The following TRAK1 variants were observed in gnomAD, a reference collection of about 807,000 sequenced individuals.
TRAK1 encodes trafficking kinesin protein 1, also known as trafficking kinesin-binding protein 1.
In TRAK1, 33 loss-of-function variants were observed where a neutral mutation model predicts 92.1. The observed-to-expected ratio is 0.36, with a 90% CI of 0.27 to 0.48. The LOEUF is 0.48. TRAK1 is among the 20% of genes least tolerant of loss of function. The pLI, the probability that TRAK1 is intolerant of heterozygous loss-of-function variation, is 0.99. For synonymous variants in TRAK1, 521 were observed against 517.3 expected, an observed-to-expected ratio of 1.01 and a Z score of -0.10; for missense variants, 1,123 against 1,257.9, an observed-to-expected ratio of 0.89 and a Z score of 1.62.
Position 42,184,306 on chromosome 3 carries a change from C to T in TRAK1, c.364-379C>T, listed in dbSNP as rs17070167. The stretch of plus-strand genomic sequence containing the variant: ...CACTTAACAAATAGCTACTGTTTCC[C>T]TGTGCCGGGCCCTGGCAATACAATA... On this transcript the variant is annotated intron_variant, in intron 3 of 15. Coordinates refer to ENST00000327628, the MANE Select transcript of TRAK1 (RefSeq NM_001042646.3). 8.2e-4 allele frequency among the ~76,000 whole-genome samples: 125 copies of T among 152,328 alleles called. 1 individual carries two copies. The East Asian group carries it at 0.023, about 27-fold the overall frequency.
At chr3:42,061,244 T>C (rs866321055) in intron 1 of TRAK1, among the ~76,000 whole-genome samples, 13 of 151,974 alleles carry the variant, frequency 8.6e-5, no homozygotes, top group Middle Eastern at 3.4e-3. Flanking sequence ...GTGATGGGTG[T>C]GTGTCTACAT....
At chr3:42,197,559 T>C (rs1706930816) in intron 10 of TRAK1, among the ~76,000 whole-genome samples, 1 of 152,222 alleles carries the variant, frequency 6.6e-6, no homozygotes, top group Non-Finnish European at 1.5e-5. Context: ...TCTTAAGGTG[T>C]ATGAAGGTCC....
At chr3:42,071,040 G>C (rs1288324674) in intron 1 of TRAK1, among the ~76,000 whole-genome samples, 1 of 152,170 alleles carries the variant, frequency 6.6e-6, no homozygotes, top group Non-Finnish European at 1.5e-5. Context: ...ATGGGCTGCT[G>C]TGAGTTTTTG....
intron 2 of TRAK1, among the ~76,000 whole-genome samples, chr3:42,158,749 C>T (rs1181685649): frequency 7.0e-6 from 1 of 142,828 alleles, no homozygotes; most frequent in African/African-American, 2.7e-5. Flanking sequence ...TGAGACCATC[C>T]TGGTGAACAC....
At chr3:42,097,678 T>G (rs192588509) in intron 1 of TRAK1, among the ~76,000 whole-genome samples, 72 of 152,364 alleles carry the variant, frequency 4.7e-4, no homozygotes, top group South Asian at 2.1e-3. Flanking sequence ...TTCCTTTCCA[T>G]CCCTCATGTA....
chr3:42,191,971 G>A (rs1330197194), intron 7 of TRAK1, among the ~76,000 whole-genome samples: 8 of 131,312 alleles, frequency 6.1e-5, no homozygotes, highest in Non-Finnish European at 1.1e-4. Flanking sequence ...TTGCGATCTC[G>A]GCTCACTGCA....
chr3:42,145,405 G>A (rs1349774680), intron 2 of TRAK1, among the ~76,000 whole-genome samples: 2 of 150,546 alleles, frequency 1.3e-5, no homozygotes, highest in South Asian at 2.1e-4. Context: ...AGAATCCCTT[G>A]AACCTAAGGT....
intron 1 of TRAK1, among the ~76,000 whole-genome samples, chr3:42,117,522 C>G (rs534267350): frequency 6.6e-6 from 1 of 152,190 alleles, no homozygotes; most frequent in East Asian, 1.9e-4. Flanking sequence ...TTCCCTCTCC[C>G]CTTGCTGTTT....
At chr3:42,122,137 A>G (rs1709965624) in intron 1 of TRAK1, among the ~76,000 whole-genome samples, 1 of 151,952 alleles carries the variant, frequency 6.6e-6, no homozygotes, top group African/African-American at 2.4e-5. Flanking sequence ...TTAAAAAGGC[A>G]TTTTTTCATA....
At chr3:42,199,915 T>A (rs1478822966) in intron 11 of TRAK1, among the ~76,000 whole-genome samples, 1 of 152,234 alleles carries the variant, frequency 6.6e-6, no homozygotes, top group Non-Finnish European at 1.5e-5. Context: ...GGAAAACATT[T>A]AAAAAATTTA....
intron 1 of TRAK1, among the ~76,000 whole-genome samples, chr3:42,045,846 G>A (rs941967153): frequency 3.3e-5 from 5 of 152,184 alleles, no homozygotes; most frequent in African/African-American, 1.2e-4. Flanking sequence ...ACCTGGGATG[G>A]TTAGATATCA....
At chr3:42,099,106 G>A (rs896923742) in intron 1 of TRAK1, among the ~76,000 whole-genome samples, 1 of 152,144 alleles carries the variant, frequency 6.6e-6, no homozygotes, top group Non-Finnish European at 1.5e-5. Context: ...GTGGCTGGCA[G>A]AAGTGGCATG....
At chr3:42,034,339 T>C (rs189613531) in intron 1 of TRAK1, among the ~76,000 whole-genome samples, 383 of 152,318 alleles carry the variant, frequency 2.5e-3, no homozygotes, top group Non-Finnish European at 4.4e-3. Context: ...TCACCCAGGC[T>C]GGAGTGCAGT....
chr3:42,213,400 C>G (rs937735417), intron 14 of TRAK1, among the ~76,000 whole-genome samples: 1 of 152,212 alleles, frequency 6.6e-6, no homozygotes, highest in African/African-American at 2.4e-5. Context: ...AAAAAACACA[C>G]TTGGCTAAAA....
chr3:42,055,830 C>T (rs76009754), intron 1 of TRAK1, among the ~76,000 whole-genome samples: 13,197 of 152,132 alleles, frequency 0.087, 624 homozygotes, highest in Non-Finnish European at 0.11. Context: ...AGCAGTTACT[C>T]CCCATTTCCC....
rs943228746 is a variant in TRAK1, at chr3:42,065,444, A to C, written c.-518-21660A>C. On this transcript the variant is annotated intron_variant, in intron 1 of 16. Coordinates refer to the TRAK1 transcript ENST00000487159. ...ACTTCAATGAGTATTTCCTTTCAAC[A>C]CCATGCCAGTGCTCAAAAGTTTTGG... Among the ~76,000 whole-genome samples, 8 of 151,906 alleles carry C rather than the reference A, an allele frequency of 5.3e-5. 1 individual carries two copies. The highest frequency in any genetic ancestry group is 2.6e-4 in the Admixed American group (4 of 15,262).
intron 2 of TRAK1, among the ~76,000 whole-genome samples, chr3:42,167,797 A>G (rs1335997661): frequency 2.0e-5 from 3 of 152,114 alleles, no homozygotes; most frequent in Non-Finnish European, 2.9e-5. Context: ...GGAGAATGGC[A>G]TGAACCCGTG....
intron 14 of TRAK1, chr3:42,210,239 C>T (rs775271529): frequency 5.9e-6 from 9 of 1,528,380 alleles, no homozygotes; most frequent in African/African-American, 5.6e-5. Context: ...CTGTAGCTTC[C>T]GCTCGTCTGT....
chr3:42,060,771 G>A (rs1703401205), intron 1 of TRAK1, among the ~76,000 whole-genome samples: 1 of 151,188 alleles, frequency 6.6e-6, no homozygotes, highest in South Asian at 2.1e-4. Flanking sequence ...GGGATTGCAT[G>A]TGCCCGCCAC....
Sources: allele counts gnomAD v4.1 joint callset (sites outside exome capture counted in the v4.1 genomes callset), GRCh38; gene constraint gnomAD v4.1.1; transcripts MANE v1.5; gene names NCBI Gene and HGNC (gene_info 2026-07-23, HGNC 2026-07-21).